Variants in HLA-DPB1 observed in about 807,000 individuals in gnomAD.
The protein encoded by HLA-DPB1 is major histocompatibility complex, class II, DP beta 1.
HLA-DPB1 carries 30 observed loss-of-function variants against 29.4 expected under a neutral mutation model. The ratio of observed to expected loss-of-function variants is 1.02; its 90% CI spans 0.76 to 1.38. The LOEUF (loss-of-function observed/expected upper bound fraction) is 1.38. Ranked by LOEUF, HLA-DPB1 falls within the 40% of genes most tolerant of loss-of-function variation. The pLI is 0.00. For missense variants in HLA-DPB1, 261 were observed against 327.5 expected, an observed-to-expected ratio of 0.80 and a Z score of 1.57; for synonymous variants, 114 against 134.0, an observed-to-expected ratio of 0.85 and a Z score of 1.03.
chr6:33,086,069 C>T, intron 4 of HLA-DPB1, 150 bp from the exon 5 acceptor site: 1 of 820,148 alleles, frequency 1.2e-6, no homozygotes, highest in Non-Finnish European at 2.1e-6. Flanking sequence ...GATCTTAATG[C>T]AGCCAGATGC....
chr6:33,083,111 C>T (rs1034204115), intron 2 of HLA-DPB1, among the ~76,000 whole-genome samples: 3 of 152,120 alleles, frequency 2.0e-5, no homozygotes, highest in South Asian at 2.1e-4. Context: ...TTGAGTTAAC[C>T]GAGGTAATGA....
chr6:33,086,585 T>G lies in HLA-DPB1; in HGVS notation c.*51T>G. The G allele has an allele frequency of 3.5e-6, 2 of 574,070 alleles. No individual in the cohort carries two copies. Among genetic ancestry groups the G allele is most frequent in the Non-Finnish European group, 6.7e-6 (2 of 300,670 alleles). 35.6% of individuals were successfully genotyped at this position (574,070 alleles called of 1,614,324 possible). On this transcript the variant is annotated 3_prime_UTR_variant, in exon 6 of 6. Coordinates refer to ENST00000418931, the MANE Select transcript of HLA-DPB1 (RefSeq NM_002121.6). ...GACTATTGTGCCTTAGGAAAAGCAT[T>G]TGCTGTGTTTCGTTAGCATCTGGCT...
At chr6:33,082,694 C>T (rs866148860) in intron 2 of HLA-DPB1, among the ~76,000 whole-genome samples, 1 of 151,976 alleles carries the variant, frequency 6.6e-6, no homozygotes, top group African/African-American at 2.4e-5. Context: ...AACACAGAGG[C>T]AAGGGAGAGG....
chr6:33,085,294 G>A (rs1367016317), intron 3 of HLA-DPB1, 63 bp downstream of exon 3: 2 of 1,399,762 alleles, frequency 1.4e-6, no homozygotes, highest in African/African-American at 1.5e-5. Context: ...TGGCTCTGGG[G>A]TCCACTCATC....
chr6:33,081,136 G>A, intron 2 of HLA-DPB1: 2 of 617,586 alleles, frequency 3.2e-6, no homozygotes, highest in South Asian at 4.7e-5. Flanking sequence ...CATGGAGTGA[G>A]GAGGACGAGA....
rs747774434 is a variant in HLA-DPB1 at position 33,080,281 on chromosome 6, T to G, written c.101-391T>G. Reference sequence around the variant, plus strand: ...AGGATGGAAATGTCAGTCAGGGAGTTAAGTAGGGGGAGCAGCTCCGCCCTC... The same window carrying G: ...AGGATGGAAATGTCAGTCAGGGAGTGAAGTAGGGGGAGCAGCTCCGCCCTC... On this transcript the variant is annotated intron_variant, in intron 1 of 5. Coordinates refer to ENST00000418931, the MANE Select transcript of HLA-DPB1 (RefSeq NM_002121.6). The surrounding 1 kb of genome is among the most constrained non-coding windows in gnomAD (Gnocchi z 4.3). 4.3e-4 allele frequency: 164 copies of G among 383,124 alleles called. No homozygotes were observed. The highest frequency in any genetic ancestry group is 7.0e-4 in the Non-Finnish European group (137 of 195,790). The allele number at this position is 383,124 out of a possible 1,614,324, so 23.7% of individuals were successfully genotyped here.
In HLA-DPB1 at chr6:33,076,055, A is replaced by T; in HGVS notation, c.14A>T (p.Gln5Leu). MMVL[Q>L]VSAAPRTVAL... ...TTTTCCAGCTCCATGATGGTTCTGC[A>T]GGTTTCTGCGGCCCCCCGGACAGTG... The change falls in exon 1 of 6, where the codon CAG becomes CTG. Residue 5 changes from glutamine to leucine, a missense_variant. Coordinates refer to ENST00000418931, the MANE Select transcript of HLA-DPB1 (RefSeq NM_002121.6). 6.2e-7 allele frequency: 1 copy of T among 1,612,010 alleles called. No homozygotes were observed. Among genetic ancestry groups the T allele is most frequent in the Non-Finnish European group, 8.5e-7 (1 of 1,179,598 alleles).
intron 3 of HLA-DPB1, 86 bp downstream of exon 3, chr6:33,085,317 T>C: frequency 8.4e-7 from 1 of 1,196,368 alleles, no homozygotes; most frequent in Middle Eastern, 2.1e-4. Flanking sequence ...ATCTTCTGCA[T>C]CTATACCCTG....
At position 33,088,120 on chromosome 6, in the gene HLA-DPB1, C is replaced by T. The variant is rs1037574956; in HGVS notation, c.*1586C>T. On this transcript the variant is annotated 3_prime_UTR_variant, in exon 6 of 6. Transcript: ENST00000418931. The stretch of plus-strand genomic sequence containing the variant: ...ACAGGAAACTTGTGAGAAACCTATG[C>T]AGCATAAAATTAATATGATTTCAAT... Among the ~76,000 whole-genome samples the T allele has an allele frequency of 3.3e-5, 5 of 152,094 alleles. No individual in the cohort carries two copies. Among genetic ancestry groups the T allele is most frequent in the African/African-American group, 7.2e-5 (3 of 41,392 alleles).
At chr6:33,078,808 T>C (rs1221424943) in intron 1 of HLA-DPB1, among the ~76,000 whole-genome samples, 2 of 152,150 alleles carry the variant, frequency 1.3e-5, no homozygotes, top group Admixed American at 1.3e-4. Context: ...TGAAAAACGT[T>C]CTCTTACTGG....
rs7760157 is a variant in HLA-DPB1, at chr6:33,079,416, C to T, written c.101-1256C>T. On this transcript the variant is annotated intron_variant, in intron 1 of 5. Coordinates refer to ENST00000418931, the MANE Select transcript of HLA-DPB1 (RefSeq NM_002121.6). ...ATCAATGCTGTCTTCCTCGGTGCTG[C>T]CTATGCAGCTGGCAGCCATCTCTTC... 2.9e-3 allele frequency: 628 copies of T among 217,538 alleles called. 4 individuals are homozygous for T. The highest frequency in any genetic ancestry group is 0.013 in the African/African-American group (565 of 42,702). 13.5% of individuals were successfully genotyped at this position (217,538 alleles called of 1,614,324 possible).
Position 33,076,072 on chromosome 6 carries a change from C to T in HLA-DPB1, c.31C>T (p.Arg11Trp), listed in dbSNP as rs777782877. Residue 11 changes from arginine to tryptophan, a missense_variant, in exon 1 of 6, where the codon CGG (arginine) becomes TGG (tryptophan). Transcript: ENST00000418931. ...GGTTCTGCAGGTTTCTGCGGCCCCC[C>T]GGACAGTGGCTCTGACGGCGTTACT... MMVLQVSAAP[R>W]TVALTALLMV... is the part of the protein sequence containing the mutation. The T allele has an allele frequency of 2.6e-5, 42 of 1,612,572 alleles. No individual in the cohort carries two copies. The Middle Eastern group carries it at 4.9e-4, about 19-fold the overall frequency.
rs1416647005 is a variant in HLA-DPB1, at chr6:33,076,031, T to C, written c.-11T>C. The C allele has an allele frequency of 6.2e-7, 1 of 1,607,516 alleles. No homozygotes were observed. On this transcript the variant is annotated 5_prime_UTR_variant, in exon 1 of 6. Coordinates refer to ENST00000418931, the MANE Select transcript of HLA-DPB1 (RefSeq NM_002121.6). Reference sequence around the variant, plus strand: ...GCAGCTCTTTTCATTTTGCCATCCTTTTCCAGCTCCATGATGGTTCTGCAG... The same window carrying C: ...GCAGCTCTTTTCATTTTGCCATCCTCTTCCAGCTCCATGATGGTTCTGCAG...
In HLA-DPB1 at chr6:33,087,570, A is replaced by G. The variant is rs1212248502; in HGVS notation, c.*1036A>G. The stretch of plus-strand genomic sequence containing the variant: ...ACAATCAGTGCACAGCAGCTCTCTT[A>G]TACATCCAGTTGATGCCTTCAGTCT... On this transcript the variant is annotated 3_prime_UTR_variant, in exon 6 of 6. Transcript: ENST00000418931. 1.3e-5 allele frequency among the ~76,000 whole-genome samples: 2 copies of G among 152,162 alleles called. No homozygotes were observed. Among genetic ancestry groups the G allele is most frequent in the Non-Finnish European group, 1.5e-5 (1 of 68,028 alleles).
At chr6:33,078,581 C>T (rs1324579443) in intron 1 of HLA-DPB1, among the ~76,000 whole-genome samples, 1 of 152,080 alleles carries the variant, frequency 6.6e-6, no homozygotes, top group African/African-American at 2.4e-5. Flanking sequence ...CTCTGGGCAA[C>T]TCAATTGCTA....
rs970706285 is a variant in HLA-DPB1, at chr6:33,086,142, G to C, written c.758-77G>C. ...ATTGAGTGATGGGCAATGGAATTTG[G>C]TGGGATGGAAATGTTTCTCTAATTA... On this transcript the variant is annotated intron_variant, in intron 4 of 5. Transcript: ENST00000418931. 6.3e-6 allele frequency: 8 copies of C among 1,277,918 alleles called. No homozygotes were observed. The African/African-American group carries it at 7.7e-5, about 12-fold the overall frequency. The allele number at this position is 1,277,918 out of a possible 1,614,324, so 79.2% of individuals were successfully genotyped here. A position where few individuals can be genotyped will look rare whatever the true frequency, so the allele number is the denominator to read the frequency against.
intron 2 of HLA-DPB1, among the ~76,000 whole-genome samples, chr6:33,082,722 A>G (rs9277386): frequency 0.38 from 57,061 of 151,756 alleles, 12,195 homozygotes; most frequent in East Asian, 0.65. Context: ...GGGAGGAAAG[A>G]AGTAGTGACA....
At position 33,087,555 on chromosome 6, in the gene HLA-DPB1, C is replaced by T. The variant is rs540330554; in HGVS notation, c.*1021C>T. ...TCACTCCTGATACACACAATCAGTG[C>T]ACAGCAGCTCTCTTATACATCCAGT... is the stretch of plus-strand genomic sequence containing the variant. On this transcript the variant is annotated 3_prime_UTR_variant, in exon 6 of 6. Transcript: ENST00000418931. Among the ~76,000 whole-genome samples the T allele has an allele frequency of 5.5e-4, 83 of 152,272 alleles. 1 individual carries two copies. In the South Asian group the frequency reaches 7.5e-3, roughly 14 times the overall value.
chr6:33,081,238 T>C (rs58854385), intron 2 of HLA-DPB1: 8,814 of 393,496 alleles, frequency 0.022, 214 homozygotes, highest in African/African-American at 0.078. Flanking sequence ...AAGGGTATGG[T>C]GTGGAGATGG....
Sources: gnomAD v4.1 joint callset for allele counts (sites outside exome capture counted in the v4.1 genomes callset) on GRCh38, gnomAD v4.1.1 for gene constraint, Gnocchi (gnomAD v3.1) non-coding constraint, MANE v1.5 for transcripts, NCBI Gene and HGNC (gene_info 2026-07-23, HGNC 2026-07-21) for gene names.